Variants in CDK19 observed in about 807,000 individuals in gnomAD.
The protein encoded by CDK19 is cyclin dependent kinase 19.
Under a neutral mutation model 68.3 loss-of-function variants are expected in CDK19, and 20 were observed. That is an observed-to-expected ratio of 0.29 (90% CI 0.21 to 0.43). The LOEUF is 0.43. CDK19 is among the 20% of genes least tolerant of loss of function. The pLI, the probability that CDK19 is intolerant of heterozygous loss-of-function variation, is 1.00. For synonymous variants in CDK19, 221 were observed against 222.8 expected (o/e 0.99, Z 0.07); for missense variants, 339 against 623.5 (o/e 0.54, Z 4.86).
At chr6:110,711,873 CAGG>C (rs1774969479) in intron 2 of CDK19, among the ~76,000 whole-genome samples, 1 of 152,202 alleles carries the variant, frequency 6.6e-6, no homozygotes, top group Non-Finnish European at 1.5e-5. Flanking sequence ...GAGGCTGAGG[CAGG>C]AGAATTGCCT....
chr6:110,669,752 T>C (rs1388818791), intron 3 of CDK19, among the ~76,000 whole-genome samples: 1 of 152,224 alleles, frequency 6.6e-6, no homozygotes, highest in Non-Finnish European at 1.5e-5. Context: ...TGATTCCTAA[T>C]TTGAAAAGAC....
At chr6:110,643,948 A>C (rs1780367943) in intron 4 of CDK19, among the ~76,000 whole-genome samples, 1 of 151,944 alleles carries the variant, frequency 6.6e-6, no homozygotes, top group East Asian at 1.9e-4. Context: ...ATTAATTAAA[A>C]ATTAAGTTAA....
intron 6 of CDK19, among the ~76,000 whole-genome samples, chr6:110,627,984 C>T (rs1434321639): frequency 5.3e-5 from 8 of 151,922 alleles, no homozygotes; most frequent in Admixed American, 2.0e-4. Flanking sequence ...CTGAGGTGGG[C>T]GGATCACTTG....
chr6:110,767,134 AAAAT>A (rs542748664), intron 1 of CDK19, among the ~76,000 whole-genome samples: 3 of 150,802 alleles, frequency 2.0e-5, no homozygotes, highest in Non-Finnish European at 3.0e-5. Context: ...CTCTGCCTCA[AAAAT>A]AAATAAATAA....
chr6:110,664,588 C>T (rs1223490348), intron 4 of CDK19, among the ~76,000 whole-genome samples: 2 of 152,122 alleles, frequency 1.3e-5, no homozygotes, highest in Non-Finnish European at 2.9e-5. Flanking sequence ...AATGTCAGTA[C>T]TATTCTCCCT....
chr6:110,731,102 AAAG>A (rs1337696425), intron 2 of CDK19, among the ~76,000 whole-genome samples: 1 of 148,468 alleles, frequency 6.7e-6, no homozygotes, highest in Non-Finnish European at 1.5e-5. Context: ...GGAAGAAAGA[AAAG>A]AAAAGAAAGG....
At chr6:110,736,128 A>T (rs1361071581) in intron 2 of CDK19, among the ~76,000 whole-genome samples, 1 of 152,066 alleles carries the variant, frequency 6.6e-6, no homozygotes. Flanking sequence ...GATCACCTGA[A>T]GTTGGGAGTT....
intron 4 of CDK19, among the ~76,000 whole-genome samples, chr6:110,650,452 G>A (rs1780890248): frequency 6.6e-6 from 1 of 152,050 alleles, no homozygotes; most frequent in Admixed American, 6.5e-5. Context: ...TTTATGCTTT[G>A]TAACATCCAT....
chr6:110,645,798 C>A, intron 4 of CDK19: 1 of 600,266 alleles, frequency 1.7e-6, no homozygotes, highest in Admixed American at 2.2e-5. Context: ...CCTCTGGTGC[C>A]TATCTAGAGA....
chr6:110,682,781 C>T (rs1772128187), intron 2 of CDK19, among the ~76,000 whole-genome samples: 1 of 152,160 alleles, frequency 6.6e-6, no homozygotes, highest in African/African-American at 2.4e-5. Context: ...AGACATAAGG[C>T]AAGTTGCTTA....
intron 1 of CDK19, among the ~76,000 whole-genome samples, chr6:110,764,265 C>G (rs1048888926): frequency 2.0e-5 from 3 of 152,106 alleles, no homozygotes; most frequent in Non-Finnish European, 4.4e-5. Context: ...TTCTAAAGCT[C>G]ATGGGGAAAG....
intron 2 of CDK19, among the ~76,000 whole-genome samples, chr6:110,711,804 C>T (rs1774961438): frequency 6.6e-6 from 1 of 152,160 alleles, no homozygotes; most frequent in South Asian, 2.1e-4. Context: ...CCTGTCTCTA[C>T]TAAAAATACA....
intron 6 of CDK19, among the ~76,000 whole-genome samples, chr6:110,628,605 G>A (rs1172650096): frequency 2.0e-5 from 3 of 152,082 alleles, no homozygotes; most frequent in African/African-American, 7.2e-5. Context: ...GTATATACAG[G>A]GTTCGGTGCT....
At chr6:110,711,529 A>G (rs1016237425) in intron 2 of CDK19, among the ~76,000 whole-genome samples, 1 of 152,234 alleles carries the variant, frequency 6.6e-6, no homozygotes, top group Non-Finnish European at 1.5e-5. Context: ...GCTTTATTCA[A>G]ACCTCAAGAA....
intron 1 of CDK19, among the ~76,000 whole-genome samples, chr6:110,809,478 G>A (rs1297715038): frequency 6.6e-6 from 1 of 151,892 alleles, no homozygotes; most frequent in African/African-American, 2.4e-5. Flanking sequence ...ACGACTGCAC[G>A]ACAGCACTCC....
chr6:110,623,811 TATATACACATAC>T (rs980398644), intron 8 of CDK19, among the ~76,000 whole-genome samples: 3 of 142,020 alleles, frequency 2.1e-5, no homozygotes, highest in African/African-American at 5.1e-5. Flanking sequence ...CATATACACA[TATATACACATAC>T]ATATACACAT....
At chr6:110,730,948 A>C (rs1306695205) in intron 2 of CDK19, among the ~76,000 whole-genome samples, 6 of 152,108 alleles carry the variant, frequency 3.9e-5, no homozygotes. Flanking sequence ...GCTACTTGGG[A>C]GGCTGAGGCA....
chr6:110,806,087 C>A (rs1309455946), intron 1 of CDK19, among the ~76,000 whole-genome samples: 1 of 151,996 alleles, frequency 6.6e-6, no homozygotes, highest in African/African-American at 2.4e-5. Context: ...CGCTTGTAAT[C>A]CCAGCACTTT....
intron 1 of CDK19, among the ~76,000 whole-genome samples, chr6:110,810,594 G>GA (rs1783011995): frequency 6.6e-6 from 1 of 152,072 alleles, no homozygotes. Flanking sequence ...AACCAACATG[G>GA]AGAAACCCCA....
Sources: gnomAD v4.1 joint callset for allele counts (sites outside exome capture counted in the v4.1 genomes callset) on GRCh38, gnomAD v4.1.1 for gene constraint, MANE v1.5 for transcripts, NCBI Gene and HGNC (gene_info 2026-07-23, HGNC 2026-07-21) for gene names.